DYSF: variants seen among roughly 807,000 people sequenced by gnomAD.
DYSF encodes the protein dystrophy-associated fer-1-like 1.
Under a neutral mutation model 274.9 loss-of-function variants are expected in DYSF, and 212 were observed. That is an observed-to-expected ratio of 0.77 (90% CI 0.69 to 0.86). The LOEUF is 0.86. Ranked by LOEUF, DYSF falls within the 40% of genes least tolerant of loss-of-function variation. DYSF has a pLI of 0.00. For missense variants in DYSF, 2,666 were observed against 2,783.2 expected (o/e 0.96, Z 0.95); for synonymous variants, 1,091 against 1,078.7 (o/e 1.01, Z -0.22).
rs1020437649 is a variant in DYSF, at chr2:71,574,184, C to T, written c.3229-14C>T. ...TTCCCACCGGCCTCTGAGTCTGCCC[C>T]TTCTCTTGTGCAGCACAGGCAGGCG... On this transcript the variant is annotated splice_polypyrimidine_tract_variant and intron_variant, in intron 29 of 55. Coordinates refer to ENST00000410020, the MANE Select transcript of DYSF (RefSeq NM_001130987.2). 1.9e-6 allele frequency: 3 copies of T among 1,613,432 alleles called. No homozygotes were observed. Among genetic ancestry groups the T allele is most frequent in the Admixed American group, 3.3e-5 (2 of 60,002 alleles).
intron 1 of DYSF, among the ~76,000 whole-genome samples, chr2:71,479,434 G>T (rs903206862): frequency 4.6e-5 from 7 of 151,920 alleles, no homozygotes; most frequent in Non-Finnish European, 8.8e-5. Context: ...AAGCAGAGAG[G>T]GCCAAAGCTC....
intron 42 of DYSF, among the ~76,000 whole-genome samples, chr2:71,655,420 T>A (rs140865864): frequency 6.6e-6 from 1 of 152,362 alleles, no homozygotes; most frequent in Non-Finnish European, 1.5e-5. Flanking sequence ...TGATTTCAGA[T>A]ATGACGAATT....
chr2:71,586,517 C>T lies in DYSF; in HGVS notation c.3403-3076C>T, dbSNP rs558443249. Among the ~76,000 whole-genome samples the T allele has an allele frequency of 4.4e-4, 67 of 152,090 alleles. 1 individual carries two copies. The highest frequency in any genetic ancestry group is 1.5e-3 in the African/African-American group (64 of 41,474). ...TCTCAGTGGGAGCGTTGGTTCCTCC[C>T]CCTGCAGGACAGTCACTTGCAGGGC... On this transcript the variant is annotated intron_variant, in intron 30 of 55. Coordinates refer to ENST00000410020, the MANE Select transcript of DYSF (RefSeq NM_001130987.2).
At chr2:71,491,575 C>A (rs1281088538) in intron 3 of DYSF, among the ~76,000 whole-genome samples, 2 of 152,224 alleles carry the variant, frequency 1.3e-5, no homozygotes, top group Non-Finnish European at 2.9e-5. Flanking sequence ...CCACCCTCCA[C>A]CCTCTGAAAG....
In DYSF at chr2:71,620,533, T is replaced by C. The variant is rs531126662; in HGVS notation, c.4465-14T>C. On this transcript the variant is annotated splice_polypyrimidine_tract_variant and intron_variant, in intron 40 of 55. Transcript: ENST00000410020. Reference sequence around the variant, plus strand: ...TCTCTAATCCTGTTGCTAACCAGCATGTTTCATTTGTAGCTTGCAGACGGT... The same window carrying C: ...TCTCTAATCCTGTTGCTAACCAGCACGTTTCATTTGTAGCTTGCAGACGGT... 30 of 1,551,736 alleles carry C rather than the reference T, an allele frequency of 1.9e-5. No individual in the cohort carries two copies. The African/African-American group carries it at 4.0e-4, about 20-fold the overall frequency.
At chr2:71,470,530 C>T (rs527800436) in intron 1 of DYSF, among the ~76,000 whole-genome samples, 14 of 151,528 alleles carry the variant, frequency 9.2e-5, no homozygotes, top group South Asian at 4.2e-4. Context: ...AAAAATTAGC[C>T]GGGTGTGGTG....
chr2:71,685,195 G>A (rs746173107), intron 55 of DYSF, among the ~76,000 whole-genome samples: 11 of 152,186 alleles, frequency 7.2e-5, no homozygotes, highest in Admixed American at 2.0e-4. Flanking sequence ...GAAGCAGAGT[G>A]GTACTGTGGG....
At chr2:71,543,340 G>T (rs2090132482) in intron 17 of DYSF, among the ~76,000 whole-genome samples, 1 of 151,492 alleles carries the variant, frequency 6.6e-6, no homozygotes, top group African/African-American at 2.4e-5. Flanking sequence ...TCCTAGAGGG[G>T]ATGGCGGCCG....
intron 30 of DYSF, among the ~76,000 whole-genome samples, chr2:71,585,379 C>A (rs868522857): frequency 1.3e-5 from 2 of 152,252 alleles, no homozygotes; most frequent in African/African-American, 4.8e-5. Context: ...GCAGCAGTAG[C>A]CATTTCACAA....
rs1451503426 is a variant in DYSF, at chr2:71,567,932, G to A, written c.2566-19G>A. 6.2e-7 allele frequency: 1 copy of A among 1,613,830 alleles called. No individual in the cohort carries two copies. Among genetic ancestry groups the A allele is most frequent in the Non-Finnish European group, 8.5e-7 (1 of 1,179,776 alleles). On this transcript the variant is annotated intron_variant, in intron 24 of 55. Coordinates refer to ENST00000410020, the MANE Select transcript of DYSF (RefSeq NM_001130987.2). Reference sequence around the variant, plus strand: ...ATCCTGAAGGGGACTGTGGGTTTCTGTCCTTCTCTGGTACCCAGTATCCGA... The same window carrying A: ...ATCCTGAAGGGGACTGTGGGTTTCTATCCTTCTCTGGTACCCAGTATCCGA...
chr2:71,618,542 G>GTGTT, intron 40 of DYSF, among the ~76,000 whole-genome samples: 2 of 150,636 alleles, frequency 1.3e-5, no homozygotes, highest in Admixed American at 6.6e-5. Context: ...TGGGGTGTGT[G>GTGTT]TGTGTGGTAG....
intron 40 of DYSF, among the ~76,000 whole-genome samples, chr2:71,613,830 C>T (rs2093823856): frequency 6.6e-6 from 1 of 152,130 alleles, no homozygotes; most frequent in Non-Finnish European, 1.5e-5. Context: ...GAAGGTTGTT[C>T]TGTGGGCTTG....
chr2:71,537,226 T>TTGTTTTG (rs1279067542), intron 16 of DYSF, among the ~76,000 whole-genome samples: 38 of 120,184 alleles, frequency 3.2e-4, no homozygotes, highest in African/African-American at 1.3e-3. Flanking sequence ...TAGTTTTGTT[T>TTGTTTTG]TTTTTTTTTT....
At chr2:71,554,067 G>A in intron 21 of DYSF, 136 bp downstream of exon 21, 1 of 1,350,222 alleles carries the variant, frequency 7.4e-7, no homozygotes, top group Non-Finnish European at 1.0e-6. Context: ...TGTGGTTGGT[G>A]TCCTCTGTGC....
chr2:71,549,654 G>A (rs918874020), intron 17 of DYSF, among the ~76,000 whole-genome samples: 5 of 151,466 alleles, frequency 3.3e-5, no homozygotes, highest in South Asian at 2.1e-4. Flanking sequence ...GCTGATGCTC[G>A]AGTTAGACCA....
intron 12 of DYSF, among the ~76,000 whole-genome samples, chr2:71,524,271 A>G (rs1272853671): frequency 2.0e-5 from 3 of 152,334 alleles, no homozygotes; most frequent in Middle Eastern, 3.4e-3. Flanking sequence ...GTCTGTCTTC[A>G]TCACTGAGAT....
intron 33 of DYSF, 46 bp from the exon 34 acceptor site, chr2:71,600,656 C>T (rs778360881): frequency 2.5e-6 from 4 of 1,613,430 alleles, no homozygotes; most frequent in Non-Finnish European, 3.4e-6. Flanking sequence ...CTCCCTAGAG[C>T]CCTGGGTAAG....
At chr2:71,552,958 G>C (rs765977218) in intron 19 of DYSF, 53 bp from the exon 20 acceptor site, 23 of 1,598,998 alleles carry the variant, frequency 1.4e-5, no homozygotes, top group Non-Finnish European at 1.8e-5. Context: ...TCCCCAGCCT[G>C]GGTGCCTTTC....
At chr2:71,537,743 T>G (rs1171708367) in intron 16 of DYSF, among the ~76,000 whole-genome samples, 1 of 152,130 alleles carries the variant, frequency 6.6e-6, no homozygotes, top group Non-Finnish European at 1.5e-5. Flanking sequence ...GGTTAGGATT[T>G]CAAAGAAAAA....
Sources: allele counts gnomAD v4.1 joint callset (sites outside exome capture counted in the v4.1 genomes callset), GRCh38; gene constraint gnomAD v4.1.1; transcripts MANE v1.5; gene names NCBI Gene and HGNC (gene_info 2026-07-23, HGNC 2026-07-21).